FAT3: variants seen among roughly 807,000 people sequenced by gnomAD.
The protein encoded by FAT3 is FAT atypical cadherin 3.
A neutral mutation model predicts 310.2 loss-of-function variants in FAT3; 95 were observed. That is an observed-to-expected ratio of 0.31 (90% CI 0.26 to 0.36). FAT3 has a LOEUF of 0.36. Among genes scored for constraint, FAT3 ranks in the 10% least tolerant of loss-of-function variants. The pLI is 1.00. For synonymous variants in FAT3, 2,314 were observed against 2,192.9 expected, an observed-to-expected ratio of 1.06 and a Z score of -1.54; for missense variants, 5,408 against 5,715.6, an observed-to-expected ratio of 0.95 and a Z score of 1.74.
chr11:92,293,757 G>C (rs991501817), intron 1 of FAT3, among the ~76,000 whole-genome samples: 6 of 151,588 alleles, frequency 4.0e-5, no homozygotes, highest in African/African-American at 1.5e-4. Context: ...CTGCAGGTAT[G>C]TTGATAGTAA....
intron 4 of FAT3, among the ~76,000 whole-genome samples, chr11:92,698,187 T>C (rs1943995285): frequency 6.6e-6 from 1 of 152,136 alleles, no homozygotes; most frequent in African/African-American, 2.4e-5. Context: ...GTGTCTACGC[T>C]TCTAAAATAA....
chr11:92,580,041 T>A (rs1317485513), intron 3 of FAT3, among the ~76,000 whole-genome samples: 1 of 152,114 alleles, frequency 6.6e-6, no homozygotes, highest in Non-Finnish European at 1.5e-5. Context: ...GATGACTGCT[T>A]GAATTCTTTA....
At chr11:92,460,275 G>A (rs1477180866) in intron 2 of FAT3, among the ~76,000 whole-genome samples, 2 of 152,170 alleles carry the variant, frequency 1.3e-5, no homozygotes, top group Non-Finnish European at 2.9e-5. Flanking sequence ...GCTTGTTGAT[G>A]TGTTTTTATT....
intron 3 of FAT3, 124 bp from the exon 4 acceptor site, chr11:92,697,259 TG>T: frequency 1.5e-6 from 1 of 677,092 alleles, no homozygotes; most frequent in Non-Finnish European, 2.5e-6. Flanking sequence ...CTGATTGTCA[TG>T]GGGGATTGGA....
At chr11:92,752,743 A>T (rs1349977035) in intron 4 of FAT3, among the ~76,000 whole-genome samples, 1 of 152,202 alleles carries the variant, frequency 6.6e-6, no homozygotes, top group Non-Finnish European at 1.5e-5. Context: ...CTGCTACCCA[A>T]AATAAGCATA....
In FAT3 at chr11:92,846,260, C is replaced by T. The variant is rs147443527; in HGVS notation, c.11365+1528C>T. Among the ~76,000 whole-genome samples, 838 of 152,296 alleles carry T rather than the reference C, an allele frequency of 5.5e-3. 3 individuals are homozygous for T. Among genetic ancestry groups the T allele is most frequent in the Non-Finnish European group, 8.7e-3 (592 of 68,026 alleles). On this transcript the variant is annotated intron_variant, in intron 19 of 27. Transcript: ENST00000525166. ...CTAATTAATCCTTGTACTCTGAGAA[C>T]TCATTTATTTCTGAAAAAAATCTGT...
At chr11:92,358,183 A>G (rs1166212244) in intron 2 of FAT3, among the ~76,000 whole-genome samples, 1 of 152,038 alleles carries the variant, frequency 6.6e-6, no homozygotes, top group Non-Finnish European at 1.5e-5. Flanking sequence ...TCTTAAAAAA[A>G]TAATAATTAA....
intron 7 of FAT3, among the ~76,000 whole-genome samples, chr11:92,789,098 A>G (rs1332030313): frequency 2.6e-5 from 4 of 152,176 alleles, no homozygotes; most frequent in Non-Finnish European, 4.4e-5. Context: ...GATATTAAGG[A>G]ACTACTCTTT....
chr11:92,669,540 A>G (rs888135404), intron 3 of FAT3, among the ~76,000 whole-genome samples: 1 of 152,196 alleles, frequency 6.6e-6, no homozygotes, highest in Non-Finnish European at 1.5e-5. Context: ...TGTCCTACCC[A>G]GAATTTATGC....
At chr11:92,758,872 C>A (rs1946071862) in intron 4 of FAT3, among the ~76,000 whole-genome samples, 1 of 152,066 alleles carries the variant, frequency 6.6e-6, no homozygotes, top group Non-Finnish European at 1.5e-5. Context: ...TTCTAGTGTG[C>A]ACCAGTGTGT....
At chr11:92,746,846 T>C (rs980266706) in intron 4 of FAT3, among the ~76,000 whole-genome samples, 1 of 152,182 alleles carries the variant, frequency 6.6e-6, no homozygotes, top group East Asian at 1.9e-4. Flanking sequence ...TCCAAAATGA[T>C]CTTCTTTGAC....
chr11:92,823,309 C>T (rs1948018864), intron 13 of FAT3, among the ~76,000 whole-genome samples: 1 of 152,188 alleles, frequency 6.6e-6, no homozygotes, highest in African/African-American at 2.4e-5. Flanking sequence ...AATTAGTTTA[C>T]TTACACTTAA....
At chr11:92,691,800 C>T (rs1475403546) in intron 3 of FAT3, among the ~76,000 whole-genome samples, 2 of 152,058 alleles carry the variant, frequency 1.3e-5, no homozygotes, top group Non-Finnish European at 2.9e-5. Context: ...TCTGAAATTT[C>T]AGAGTTAGAG....
chr11:92,874,247 T>G (rs1390304093), intron 22 of FAT3, among the ~76,000 whole-genome samples: 1 of 152,232 alleles, frequency 6.6e-6, no homozygotes, highest in Non-Finnish European at 1.5e-5. Flanking sequence ...CTCTTAGAAT[T>G]TTGTTCACTT....
chr11:92,432,755 G>A (rs576139700), intron 2 of FAT3, among the ~76,000 whole-genome samples: 68 of 152,282 alleles, frequency 4.5e-4, no homozygotes, highest in Non-Finnish European at 8.2e-4. Flanking sequence ...CCCTTAGCTC[G>A]AGCACTGTGC....
At chr11:92,306,156 T>C (rs961409724) in intron 1 of FAT3, among the ~76,000 whole-genome samples, 2 of 151,920 alleles carry the variant, frequency 1.3e-5, no homozygotes, top group Admixed American at 1.3e-4. Context: ...GCCCTGTCTA[T>C]GTATAGCTAG....
intron 1 of FAT3, among the ~76,000 whole-genome samples, chr11:92,240,569 ACCCC>A (rs5793589): frequency 1.4e-5 from 2 of 141,068 alleles, no homozygotes; most frequent in Non-Finnish European, 1.5e-5. Flanking sequence ...ACAAAATGAA[ACCCC>A]CCCAAAAAAA....
At chr11:92,492,314 C>T (rs1952630778) in intron 2 of FAT3, among the ~76,000 whole-genome samples, 2 of 151,586 alleles carry the variant, frequency 1.3e-5, no homozygotes, top group Admixed American at 1.3e-4. Context: ...CATCCATGCT[C>T]ACTAACCTTG....
At chr11:92,377,514 G>A (rs1438338096) in intron 2 of FAT3, among the ~76,000 whole-genome samples, 3 of 152,206 alleles carry the variant, frequency 2.0e-5, no homozygotes, top group Non-Finnish European at 4.4e-5. Context: ...CTTACTGTCT[G>A]TTTCCAACTA....
Sources: allele counts gnomAD v4.1 joint callset (sites outside exome capture counted in the v4.1 genomes callset), GRCh38; gene constraint gnomAD v4.1.1; transcripts MANE v1.5; gene names NCBI Gene and HGNC (gene_info 2026-07-23, HGNC 2026-07-21).